TTLL5: variants seen among roughly 807,000 people sequenced by gnomAD.
TTLL5 encodes tubulin polyglutamylase TTLL5.
Under a neutral mutation model 168.4 loss-of-function variants are expected in TTLL5, and 132 were observed. The ratio of observed to expected loss-of-function variants is 0.78; its 90% CI spans 0.68 to 0.91. TTLL5 has a LOEUF of 0.91. Among genes scored for constraint, TTLL5 ranks in the 40% least tolerant of loss-of-function variants. TTLL5 has a pLI of 0.00. For synonymous variants in TTLL5, 546 were observed against 558.6 expected, an observed-to-expected ratio of 0.98 and a Z score of 0.32; for missense variants, 1,545 against 1,581.5, an observed-to-expected ratio of 0.98 and a Z score of 0.39.
intron 28 of TTLL5, among the ~76,000 whole-genome samples, chr14:75,846,370 G>A (rs1001082628): frequency 6.6e-6 from 1 of 152,168 alleles, no homozygotes; most frequent in East Asian, 1.9e-4. Flanking sequence ...AATCACACAG[G>A]TGTTGGTCAA....
intron 10 of TTLL5, among the ~76,000 whole-genome samples, chr14:75,718,392 G>C (rs1887608160): frequency 6.6e-6 from 1 of 152,180 alleles, no homozygotes; most frequent in African/African-American, 2.4e-5. Flanking sequence ...GTACACACAG[G>C]ATCAGTGATA....
chr14:75,934,765 TG>T (rs2034384610), intron 31 of TTLL5, among the ~76,000 whole-genome samples: 1 of 152,176 alleles, frequency 6.6e-6, no homozygotes. Context: ...AAGACAATCT[TG>T]GCTGATGGAG....
Position 75,779,587 on chromosome 14 carries a change from G to A in TTLL5, c.2400G>A (p.Leu800=). 6.2e-7 allele frequency: 1 copy of A among 1,613,592 alleles called. No individual in the cohort carries two copies. Among genetic ancestry groups the A allele is most frequent in the Non-Finnish European group, 8.5e-7 (1 of 1,179,808 alleles). The change falls in exon 24 of 32, where the codon CTG becomes CTA. Residue 800 remains leucine, a synonymous_variant. Coordinates refer to ENST00000298832, the MANE Select transcript of TTLL5 (RefSeq NM_015072.5). ...CTCCTCATTTCAGTGAGGCTGAACT[G>A]GAGGAGGTGTTGACTTTTTATACCC... The part of the protein sequence containing the change: ...EFIRQASEAE[L]EEVLTFYTQK...
intron 6 of TTLL5, among the ~76,000 whole-genome samples, chr14:75,696,116 C>T (rs1013868559): frequency 3.3e-5 from 5 of 151,962 alleles, no homozygotes; most frequent in African/African-American, 1.2e-4. Context: ...TCTTGAACTC[C>T]TGGCCTCAAG....
chr14:75,829,200 A>AT (rs1895419584), intron 28 of TTLL5, among the ~76,000 whole-genome samples: 1 of 152,236 alleles, frequency 6.6e-6, no homozygotes, highest in South Asian at 2.1e-4. Flanking sequence ...GGAAGGGTAG[A>AT]TGGGGCTTGG....
At chr14:75,863,640 A>G in intron 28 of TTLL5, 27 bp from the exon 29 acceptor site, 1 of 1,578,000 alleles carries the variant, frequency 6.3e-7, no homozygotes, top group Non-Finnish European at 8.6e-7. Context: ...CACTCACTCT[A>G]AGAAACCTGC....
intron 19 of TTLL5, 121 bp downstream of exon 19, chr14:75,764,893 A>G: frequency 6.1e-6 from 7 of 1,149,398 alleles, no homozygotes; most frequent in Non-Finnish European, 8.5e-6. Context: ...CCTTTTTTAT[A>G]TAGTTTTTTC....
intron 28 of TTLL5, among the ~76,000 whole-genome samples, chr14:75,852,345 CT>C (rs1336974132): frequency 6.6e-6 from 1 of 152,182 alleles, no homozygotes; most frequent in Non-Finnish European, 1.5e-5. Flanking sequence ...TGGATTATTT[CT>C]TTAATCCTTT....
chr14:75,785,760 T>C (rs1892330631), intron 26 of TTLL5, among the ~76,000 whole-genome samples: 2 of 151,986 alleles, frequency 1.3e-5, no homozygotes, highest in Non-Finnish European at 2.9e-5. Context: ...CACATTGTCT[T>C]GATTGCTACA....
At chr14:75,700,374 A>G (rs1886180241) in intron 7 of TTLL5, among the ~76,000 whole-genome samples, 1 of 152,206 alleles carries the variant, frequency 6.6e-6, no homozygotes, top group Admixed American at 6.5e-5. Flanking sequence ...AGGCTCAAGC[A>G]TGTGCCCTAA....
chr14:75,804,094 G>A (rs1289116704), intron 27 of TTLL5, among the ~76,000 whole-genome samples: 1 of 152,216 alleles, frequency 6.6e-6, no homozygotes, highest in African/African-American at 2.4e-5. Flanking sequence ...CCGGGATGTG[G>A]CCAGGCCTCC....
At chr14:75,735,368 A>G in intron 15 of TTLL5, 79 bp downstream of exon 15, 1 of 1,399,666 alleles carries the variant, frequency 7.1e-7, no homozygotes, top group Non-Finnish European at 1.0e-6. Flanking sequence ...GAGCAGAAGC[A>G]CTGTGGGTAT....
At chr14:75,720,526 T>G (rs1887773326) in intron 11 of TTLL5, 70 bp from the exon 12 acceptor site, 1 of 1,152,730 alleles carries the variant, frequency 8.7e-7, no homozygotes, top group East Asian at 2.4e-5. Flanking sequence ...GTTATATTGT[T>G]ATCTGGAATC....
At chr14:75,785,496 T>A (rs953074022) in intron 26 of TTLL5, among the ~76,000 whole-genome samples, 1 of 152,180 alleles carries the variant, frequency 6.6e-6, no homozygotes, top group Non-Finnish European at 1.5e-5. Flanking sequence ...TGTTTTATAG[T>A]TTAGACTCTT....
At chr14:75,906,656 G>T in intron 31 of TTLL5, 16 of 985,850 alleles carry the variant, frequency 1.6e-5, no homozygotes, top group Non-Finnish European at 1.9e-5. Context: ...ATCAAAGTCG[G>T]TGAAGTCAGG....
At position 75,942,214 on chromosome 14, in the gene TTLL5, C is replaced by T. The variant is rs114921606; in HGVS notation, c.3824-12210C>T. On this transcript the variant is annotated intron_variant, in intron 31 of 31. Transcript: ENST00000298832. Reference sequence around the variant, plus strand: ...AAAAAAAAAATGTGTATCCCTTAACCTTCAGACAGCTGATGAGTGGTAGAA... The same window carrying T: ...AAAAAAAAAATGTGTATCCCTTAACTTTCAGACAGCTGATGAGTGGTAGAA... Among the ~76,000 whole-genome samples, 498 of 151,656 alleles carry T rather than the reference C, an allele frequency of 3.3e-3. 4 individuals carry two copies. Among genetic ancestry groups the T allele is most frequent in the African/African-American group, 0.011 (466 of 41,340 alleles).
rs1030185248 is a variant in TTLL5 at position 75,779,313 on chromosome 14, G to A, written c.2388-262G>A. Among the ~76,000 whole-genome samples the A allele has an allele frequency of 2.0e-5, 3 of 152,180 alleles. No individual in the cohort carries two copies. The South Asian group carries it at 6.2e-4, about 32-fold the overall frequency. On this transcript the variant is annotated intron_variant, in intron 23 of 31. Transcript: ENST00000298832. ...CTTTAATTTAATTTGAATTTAAATA[G>A]TCACATATGACTGAGTAGTCGCTAC...
At position 75,778,680 on chromosome 14, in the gene TTLL5, G is replaced by A. The variant is rs184966460; in HGVS notation, c.2388-895G>A. ...CACTTAATAGCCACTTTCCTAGAACGTAGCCAAGCTTCAAGAAAAAGAAAA... is the reference window on the plus strand; with the variant it reads ...CACTTAATAGCCACTTTCCTAGAACATAGCCAAGCTTCAAGAAAAAGAAAA... On this transcript the variant is annotated intron_variant, in intron 23 of 31. Coordinates refer to ENST00000298832, the MANE Select transcript of TTLL5 (RefSeq NM_015072.5). Among the ~76,000 whole-genome samples the A allele has an allele frequency of 3.6e-3, 545 of 152,236 alleles. 2 individuals carry two copies. Among genetic ancestry groups the A allele is most frequent in the African/African-American group, 0.012 (517 of 41,530 alleles).
At chr14:75,900,652 C>T (rs564140951) in intron 30 of TTLL5, among the ~76,000 whole-genome samples, 44 of 152,268 alleles carry the variant, frequency 2.9e-4, no homozygotes, top group Non-Finnish European at 5.7e-4. Flanking sequence ...TTTAAAGGTT[C>T]CTGGGACATT....
Sources: gnomAD v4.1 joint callset for allele counts (sites outside exome capture counted in the v4.1 genomes callset) on GRCh38, gnomAD v4.1.1 for gene constraint, MANE v1.5 for transcripts, NCBI Gene and HGNC (gene_info 2026-07-23, HGNC 2026-07-21) for gene names.